CDH8: variants seen among roughly 807,000 people sequenced by gnomAD.
The protein encoded by CDH8 is cadherin-8.
CDH8 carries 17 observed loss-of-function variants against 68.1 expected under a neutral mutation model. That is an observed-to-expected ratio of 0.25 (90% CI 0.17 to 0.37). The LOEUF (loss-of-function observed/expected upper bound fraction) is 0.37, where lower values mean the gene tolerates loss of function less well. Among genes scored for constraint, CDH8 ranks in the 10% least tolerant of loss-of-function variants. CDH8 has a pLI of 1.00. For synonymous variants in CDH8, 372 were observed against 365.1 expected (o/e 1.02, Z -0.21); for missense variants, 763 against 999.3 (o/e 0.76, Z 3.19).
intron 4 of CDH8, among the ~76,000 whole-genome samples, chr16:61,845,978 G>A (rs1962798444): frequency 6.6e-6 from 1 of 152,096 alleles, no homozygotes; most frequent in South Asian, 2.1e-4. Context: ...TAAGCCTACA[G>A]ATCGGTACTT....
At chr16:61,977,219 A>T (rs1965451473) in intron 2 of CDH8, among the ~76,000 whole-genome samples, 1 of 152,180 alleles carries the variant, frequency 6.6e-6, no homozygotes, top group Non-Finnish European at 1.5e-5. Context: ...AGGCAGAGAG[A>T]ATACTTTGAG....
At chr16:61,866,580 G>A (rs12051085) in intron 3 of CDH8, among the ~76,000 whole-genome samples, 19 of 151,290 alleles carry the variant, frequency 1.3e-4, no homozygotes, top group South Asian at 6.2e-4. Context: ...GTGTGTGTGT[G>A]TATATATATA....
chr16:61,739,884 C>CATATATATATATATATATATATATAT (rs35095367), intron 8 of CDH8, among the ~76,000 whole-genome samples: 1 of 101,472 alleles, frequency 9.9e-6, no homozygotes, highest in Non-Finnish European at 1.9e-5. Flanking sequence ...CAACATATTC[C>CATATATATATATATATATATATATAT]ATATATATAT....
chr16:61,763,359 G>A (rs16963928), intron 8 of CDH8, among the ~76,000 whole-genome samples: 4,297 of 152,204 alleles, frequency 0.028, 197 homozygotes, highest in African/African-American at 0.098. Flanking sequence ...CTCATAACAG[G>A]AACTTCAAAT....
At chr16:61,764,979 C>G (rs1316929952) in intron 8 of CDH8, among the ~76,000 whole-genome samples, 1 of 151,922 alleles carries the variant, frequency 6.6e-6, no homozygotes, top group Admixed American at 6.6e-5. Context: ...ATAATCCCTG[C>G]CCTTTACATA....
At chr16:62,007,636 T>C (rs976663541) in intron 2 of CDH8, among the ~76,000 whole-genome samples, 1 of 152,154 alleles carries the variant, frequency 6.6e-6, no homozygotes, top group East Asian at 1.9e-4. Flanking sequence ...CAGAAAAGTA[T>C]ATACAAAAGT....
At position 61,842,045 on chromosome 16, in the gene CDH8, G is replaced by A. The variant is rs182559731; in HGVS notation, c.667+15074C>T. On this transcript the variant is annotated intron_variant, in intron 4 of 11. Coordinates refer to ENST00000577390, the MANE Select transcript of CDH8 (RefSeq NM_001796.5). ...TGGGACTACAGTTGCCTGCCACCAC[G>A]CCCGGCTAATTTTTTTTTTTTTTTT... is the stretch of plus-strand genomic sequence containing the variant. Among the ~76,000 whole-genome samples, 1,314 of 140,998 alleles carry A rather than the reference G, an allele frequency of 9.3e-3. 27 individuals are homozygous for A. The highest frequency in any genetic ancestry group is 0.035 in the African/African-American group (1,266 of 35,806). The allele number at this position is 140,998 out of a possible 152,430, so 92.5% of individuals were successfully genotyped here. A position where few individuals can be genotyped will look rare whatever the true frequency, so the allele number is the denominator to read the frequency against.
chr16:61,870,127 A>G (rs1963329251), intron 3 of CDH8, among the ~76,000 whole-genome samples: 1 of 152,180 alleles, frequency 6.6e-6, no homozygotes, highest in African/African-American at 2.4e-5. Flanking sequence ...AAATCGATGT[A>G]TCTAGAAGAA....
chr16:61,665,999 C>G (rs1963668915), intron 10 of CDH8, among the ~76,000 whole-genome samples: 1 of 151,912 alleles, frequency 6.6e-6, no homozygotes, highest in South Asian at 2.1e-4. Flanking sequence ...ATAAACAATT[C>G]ATAAATTTTA....
At chr16:61,863,732 A>C (rs976794751) in intron 3 of CDH8, among the ~76,000 whole-genome samples, 25 of 152,158 alleles carry the variant, frequency 1.6e-4, no homozygotes, top group African/African-American at 5.8e-4. Flanking sequence ...CTTTGCAATA[A>C]CTAAAATTCA....
intron 8 of CDH8, among the ~76,000 whole-genome samples, chr16:61,750,120 T>C (rs1960120774): frequency 6.6e-6 from 1 of 152,070 alleles, no homozygotes; most frequent in South Asian, 2.1e-4. Context: ...TGTCCATGTG[T>C]AATCAATGTT....
intron 2 of CDH8, among the ~76,000 whole-genome samples, chr16:62,019,115 C>T (rs1480102845): frequency 1.3e-5 from 2 of 152,220 alleles, no homozygotes; most frequent in Non-Finnish European, 2.9e-5. Flanking sequence ...AAAGCATCCA[C>T]TATGTAAATA....
rs1964540933 is a variant in CDH8 at position 61,931,622 on chromosome 16, A to G, written c.253-30149T>C. Among the ~76,000 whole-genome samples the G allele has an allele frequency of 3.3e-5, 5 of 152,340 alleles. No homozygotes were observed. The South Asian group carries it at 1.0e-3, about 32-fold the overall frequency. ...TTAGAAACCCCCACTTTCCATGATCAGTAACTATGCCACCAATGTCATTTG... is the reference window on the plus strand; with the variant it reads ...TTAGAAACCCCCACTTTCCATGATCGGTAACTATGCCACCAATGTCATTTG... On this transcript the variant is annotated intron_variant, in intron 2 of 11. Transcript: ENST00000577390.
intron 8 of CDH8, among the ~76,000 whole-genome samples, chr16:61,732,251 C>A (rs764171888): frequency 2.0e-4 from 31 of 151,684 alleles, no homozygotes; most frequent in Non-Finnish European, 4.0e-4. Context: ...GCCTGTATAT[C>A]CTAAAACTTC....
rs768785107 is a variant in CDH8, at chr16:62,021,393, C to A, written c.11G>T (p.Arg4Leu). The A allele has an allele frequency of 6.2e-7, 1 of 1,609,246 alleles. No individual in the cohort carries two copies. The highest frequency in any genetic ancestry group is 1.7e-5 in the Admixed American group (1 of 59,722). Reference protein sequence around the residue: MPERLAEMLLDLWT... With the variant: MPELLAEMLLDLWT... ...GAGATCCAAGAGCATTTCCGCTAGCCGTTCTGGCATGGTCCCACCAGTTAA... is the reference window on the plus strand; with the variant it reads ...GAGATCCAAGAGCATTTCCGCTAGCAGTTCTGGCATGGTCCCACCAGTTAA... Residue 4 changes from arginine (R) to leucine (L), a missense_variant, in exon 2 of 12, where the codon CGG (arginine) becomes CTG (leucine). This residue lies in a region of CDH8 where 366 missense variants were observed against 563.1 expected (regional missense o/e 0.65). Coordinates refer to ENST00000577390, the MANE Select transcript of CDH8 (RefSeq NM_001796.5).
At chr16:61,833,303 A>AT (rs1198841814) in intron 4 of CDH8, among the ~76,000 whole-genome samples, 1 of 151,516 alleles carries the variant, frequency 6.6e-6, no homozygotes, top group Non-Finnish European at 1.5e-5. Flanking sequence ...TAAATTTTGT[A>AT]TTTTTTTATA....
chr16:61,745,029 T>C (rs1959980223), intron 8 of CDH8, among the ~76,000 whole-genome samples: 1 of 151,474 alleles, frequency 6.6e-6, no homozygotes, highest in Non-Finnish European at 1.5e-5. Flanking sequence ...GTTTTCATTT[T>C]TTTTTTTTAG....
At chr16:61,834,503 A>G (rs990366847) in intron 4 of CDH8, among the ~76,000 whole-genome samples, 7 of 151,918 alleles carry the variant, frequency 4.6e-5, no homozygotes, top group African/African-American at 1.7e-4. Flanking sequence ...CATAATTGAC[A>G]TTTGAAGTTT....
intron 2 of CDH8, among the ~76,000 whole-genome samples, chr16:61,957,494 A>C (rs1167870609): frequency 1.3e-5 from 2 of 152,218 alleles, no homozygotes; most frequent in African/African-American, 2.4e-5. Flanking sequence ...CAAACTATTT[A>C]AATAGCCATT....
Sources: gnomAD v4.1 joint callset for allele counts (sites outside exome capture counted in the v4.1 genomes callset) on GRCh38, gnomAD v4.1.1 for gene constraint, gnomAD v4.1.1 regional missense constraint, MANE v1.5 for transcripts, NCBI Gene and HGNC (gene_info 2026-07-23, HGNC 2026-07-21) for gene names.